Variants in SLC30A8 observed in about 807,000 individuals in gnomAD.
The protein encoded by SLC30A8 is solute carrier family 30 member 8.
In SLC30A8, 27 loss-of-function variants were observed where a neutral mutation model predicts 36.9. The ratio of observed to expected loss-of-function variants is 0.73; its 90% CI spans 0.54 to 1.01. The LOEUF (loss-of-function observed/expected upper bound fraction) is 1.01, where lower values mean the gene tolerates loss of function less well. SLC30A8 is among the 50% of genes least tolerant of loss of function. The pLI, the probability that SLC30A8 is intolerant of heterozygous loss-of-function variation, is 0.00. For synonymous variants in SLC30A8, 164 were observed against 172.4 expected (o/e 0.95, Z 0.38); for missense variants, 439 against 452.0 (o/e 0.97, Z 0.26).
intron 2 of SLC30A8, among the ~76,000 whole-genome samples, chr8:117,057,354 C>A (rs1012816377): frequency 6.6e-6 from 1 of 152,034 alleles, no homozygotes; most frequent in African/African-American, 2.4e-5. Context: ...TTAATGTATC[C>A]ATTACCTATA....
chr8:116,963,413 G>A (rs1005317347), intron 1 of SLC30A8, among the ~76,000 whole-genome samples: 2 of 151,232 alleles, frequency 1.3e-5, no homozygotes, highest in Non-Finnish European at 2.9e-5. Context: ...CAAATGAAAC[G>A]CTGTATCCAT....
chr8:117,171,192 T>G (rs920774625), intron 7 of SLC30A8, 24 bp downstream of exon 7: 1 of 1,612,870 alleles, frequency 6.2e-7, no homozygotes. Flanking sequence ...GTAAACACCC[T>G]GGAAAAAATT....
intron 2 of SLC30A8, among the ~76,000 whole-genome samples, chr8:117,046,640 T>C (rs1817560869): frequency 6.6e-6 from 1 of 152,248 alleles, no homozygotes; most frequent in African/African-American, 2.4e-5. Flanking sequence ...AATGAGGCTA[T>C]TCTAAGAATC....
At chr8:117,162,479 C>A (rs16889449) in intron 5 of SLC30A8, among the ~76,000 whole-genome samples, 7,846 of 152,046 alleles carry the variant, frequency 0.052, 589 homozygotes, top group African/African-American at 0.16. Context: ...GAATGACTTC[C>A]CGGTAAGCCT....
In SLC30A8 at chr8:117,119,205, A is replaced by G. The variant is rs73315701; in HGVS notation, c.-225-16075A>G. Among the ~76,000 whole-genome samples the G allele has an allele frequency of 4.0e-3, 603 of 152,060 alleles. 2 individuals carry two copies. Among genetic ancestry groups the G allele is most frequent in the African/African-American group, 0.012 (510 of 41,530 alleles). ...GATACTGTGAGGCTAGCAGTAAACA[A>G]TCATCTCAGAGATCCATTATGTTCC... On this transcript the variant is annotated intron_variant, in intron 2 of 10. Transcript: ENST00000427715.
Position 117,176,620 on chromosome 8 carries a change from C to CACTT in SLC30A8, c.*3941_*3944dup, listed in dbSNP as rs1823707118. 6.6e-6 allele frequency: 1 copy of CACTT among 152,466 alleles called. No homozygotes were observed. The highest frequency in any genetic ancestry group is 2.4e-5 in the African/African-American group (1 of 41,408). The allele number at this position is 152,466 out of a possible 1,614,324, so 9.4% of individuals were successfully genotyped here. A position where few individuals can be genotyped will look rare whatever the true frequency, so the allele number is the denominator to read the frequency against. ...TTAGTTTTTTAACTTTCTGATTTCACACTTAACGTCTGTCATTCTGTTACT... is the reference window on the plus strand; with the variant it reads ...TTAGTTTTTTAACTTTCTGATTTCACACTTACTTAACGTCTGTCATTCTGTTACT... On this transcript the variant is annotated 3_prime_UTR_variant, in exon 8 of 8. Coordinates refer to ENST00000456015, the MANE Select transcript of SLC30A8 (RefSeq NM_173851.3).
intron 2 of SLC30A8, among the ~76,000 whole-genome samples, chr8:117,050,838 G>T (rs1817685804): frequency 1.3e-5 from 2 of 152,232 alleles, no homozygotes. Flanking sequence ...CAGTGGAGAA[G>T]AGCAAAGGAG....
chr8:117,136,556 A>G (rs1421154943), intron 1 of SLC30A8, among the ~76,000 whole-genome samples: 1 of 152,142 alleles, frequency 6.6e-6, no homozygotes, highest in African/African-American at 2.4e-5. Flanking sequence ...TATAAAAAGG[A>G]TATTTATAAC....
At chr8:117,134,571 C>T (rs1341809250), upstream of SLC30A8, among the ~76,000 whole-genome samples, 2 of 151,932 alleles carry the variant, frequency 1.3e-5, no homozygotes, top group Non-Finnish European at 2.9e-5. Flanking sequence ...TGGGTGAATC[C>T]TTGATCCTTA....
intron 1 of SLC30A8, among the ~76,000 whole-genome samples, chr8:117,029,341 C>A (rs1042167790): frequency 1.3e-5 from 2 of 152,128 alleles, no homozygotes; most frequent in Non-Finnish European, 2.9e-5. Context: ...ACCTACTCAC[C>A]TTCTAGTTGT....
At chr8:117,034,697 A>G (rs1817157950) in intron 1 of SLC30A8, among the ~76,000 whole-genome samples, 1 of 152,188 alleles carries the variant, frequency 6.6e-6, no homozygotes, top group Non-Finnish European at 1.5e-5. Flanking sequence ...AACTGAGTGT[A>G]TTAGTCCATT....
At chr8:116,986,576 C>A (rs1215394228) in intron 1 of SLC30A8, among the ~76,000 whole-genome samples, 1 of 152,108 alleles carries the variant, frequency 6.6e-6, no homozygotes, top group Non-Finnish European at 1.5e-5. Flanking sequence ...ATCATCAAGT[C>A]AGAAGATAGA....
At chr8:117,146,568 C>G (rs150747573) in intron 1 of SLC30A8, among the ~76,000 whole-genome samples, 1 of 152,016 alleles carries the variant, frequency 6.6e-6, no homozygotes, top group Admixed American at 6.5e-5. Flanking sequence ...ATACACATAT[C>G]GTAATGTACC....
chr8:116,979,695 T>G (rs1815190428), intron 1 of SLC30A8, among the ~76,000 whole-genome samples: 1 of 152,178 alleles, frequency 6.6e-6, no homozygotes, highest in Non-Finnish European at 1.5e-5. Context: ...AAGTGGATTC[T>G]TCATGTACTC....
At chr8:117,074,885 A>G (rs1205737333) in intron 2 of SLC30A8, among the ~76,000 whole-genome samples, 2 of 152,064 alleles carry the variant, frequency 1.3e-5, no homozygotes, top group Non-Finnish European at 2.9e-5. Context: ...ATTATCACCT[A>G]TGTTCTAGGT....
At chr8:117,165,535 G>C (rs1039841302) in intron 6 of SLC30A8, among the ~76,000 whole-genome samples, 1 of 152,180 alleles carries the variant, frequency 6.6e-6, no homozygotes, top group African/African-American at 2.4e-5. Flanking sequence ...CCATTCAGTA[G>C]TACTTGAAAT....
intron 4 of SLC30A8, among the ~76,000 whole-genome samples, chr8:117,159,099 A>T (rs538894889): frequency 5.9e-5 from 9 of 152,340 alleles, no homozygotes; most frequent in Admixed American, 2.6e-4. Flanking sequence ...TAGAAAAGAC[A>T]AGAACATGAA....
At position 117,172,778 on chromosome 8, in the gene SLC30A8, A is replaced by G; in HGVS notation, c.*97A>G. The G allele has an allele frequency of 7.1e-7, 1 of 1,414,580 alleles. No homozygotes were observed. The highest frequency in any genetic ancestry group is 9.8e-7 in the Non-Finnish European group (1 of 1,021,668). The allele number at this position is 1,414,580 out of a possible 1,614,324, so 87.6% of individuals were successfully genotyped here. Reference sequence around the variant, plus strand: ...ATAGAAAATAAGGAACCAAAGGAAGAAATTCATGTCATGGTGCAATGCACA... The same window carrying G: ...ATAGAAAATAAGGAACCAAAGGAAGGAATTCATGTCATGGTGCAATGCACA... On this transcript the variant is annotated 3_prime_UTR_variant, in exon 8 of 8. Transcript: ENST00000456015.
intron 2 of SLC30A8, among the ~76,000 whole-genome samples, chr8:117,076,014 C>T (rs1818476708): frequency 6.6e-6 from 1 of 152,168 alleles, no homozygotes; most frequent in Non-Finnish European, 1.5e-5. Context: ...GCCCTTCCCA[C>T]CCTGGTGAAA....
Sources: allele counts gnomAD v4.1 joint callset (sites outside exome capture counted in the v4.1 genomes callset), GRCh38; gene constraint gnomAD v4.1.1; transcripts MANE v1.5; gene names NCBI Gene and HGNC (gene_info 2026-07-23, HGNC 2026-07-21).